Variants in DLG2 observed in about 807,000 individuals in gnomAD.
DLG2 encodes discs large MAGUK scaffold protein 2.
A neutral mutation model predicts 132.5 loss-of-function variants in DLG2; 45 were observed. That is an observed-to-expected ratio of 0.34 (90% CI 0.27 to 0.44). The LOEUF (loss-of-function observed/expected upper bound fraction) is 0.44, where lower values mean the gene tolerates loss of function less well. Ranked by LOEUF, DLG2 falls within the 20% of genes least tolerant of loss-of-function variation. DLG2 has a pLI of 1.00. For synonymous variants in DLG2, 424 were observed against 419.6 expected (o/e 1.01, Z -0.13); for missense variants, 1,045 against 1,196.9 (o/e 0.87, Z 1.87).
At chr11:85,185,872 G>A (rs2080056604) in intron 4 of DLG2, among the ~76,000 whole-genome samples, 1 of 151,868 alleles carries the variant, frequency 6.6e-6, no homozygotes, top group Admixed American at 6.6e-5. Context: ...ATGTAAGGTA[G>A]ATATAATTAC....
intron 6 of DLG2, among the ~76,000 whole-genome samples, chr11:84,816,138 A>G (rs747264756): frequency 1.3e-5 from 2 of 152,018 alleles, no homozygotes; most frequent in Non-Finnish European, 2.9e-5. Flanking sequence ...TACAAATGCA[A>G]CACCTTTTTG....
intron 7 of DLG2, among the ~76,000 whole-genome samples, chr11:84,377,569 A>G (rs1230061989): frequency 1.3e-5 from 2 of 152,014 alleles, no homozygotes; most frequent in Non-Finnish European, 2.9e-5. Flanking sequence ...TTGATATTAG[A>G]ACTCTAAAAT....
At chr11:85,466,009 G>T (rs2092776064) in intron 3 of DLG2, among the ~76,000 whole-genome samples, 1 of 152,180 alleles carries the variant, frequency 6.6e-6, no homozygotes, top group African/African-American at 2.4e-5. Context: ...TAACTGGCGT[G>T]AGATGGTATC....
At chr11:85,277,852 C>A (rs2077986919) in intron 4 of DLG2, among the ~76,000 whole-genome samples, 1 of 152,150 alleles carries the variant, frequency 6.6e-6, no homozygotes, top group Non-Finnish European at 1.5e-5. Flanking sequence ...GGTGTGACAG[C>A]TACCTAATTG....
chr11:85,125,734 G>C (rs1338627268), intron 5 of DLG2, among the ~76,000 whole-genome samples: 1 of 151,560 alleles, frequency 6.6e-6, no homozygotes, highest in Non-Finnish European at 1.5e-5. Context: ...AAGATATGAA[G>C]GATCACCAGG....
chr11:84,060,311 CA>C lies in DLG2; in HGVS notation c.750-828del, dbSNP rs540493465. Among the ~76,000 whole-genome samples the C allele has an allele frequency of 1.1e-4, 16 of 151,864 alleles. 1 individual carries two copies. The South Asian group carries it at 3.3e-3, about 32-fold the overall frequency. Reference sequence around the variant, plus strand: ...TGGGAGACAGAGCGAGACTCCATCTCAAAAAAAGAAAATAATAATAATAATA... The same window carrying C: ...TGGGAGACAGAGCGAGACTCCATCTCAAAAAAGAAAATAATAATAATAATA... On this transcript the variant is annotated intron_variant, in intron 10 of 27. Coordinates refer to ENST00000376104, the MANE Select transcript of DLG2 (RefSeq NM_001142699.3).
At chr11:85,581,374 A>G (rs1489410977) in intron 3 of DLG2, among the ~76,000 whole-genome samples, 2 of 151,952 alleles carry the variant, frequency 1.3e-5, no homozygotes, top group Non-Finnish European at 2.9e-5. Flanking sequence ...GCACTTTCAG[A>G]GGCCGAGGCA....
chr11:84,095,431 C>A lies in DLG2; in HGVS notation c.749+3492G>T, dbSNP rs569363856. 1.0e-3 allele frequency among the ~76,000 whole-genome samples: 157 copies of A among 152,220 alleles called. 1 individual carries two copies. The highest frequency in any genetic ancestry group is 0.01 in the Admixed American group (156 of 15,292). ...CTGTGTTACATACAGAAGTTAGAAC[C>A]CACATCTTTCCAGAGCTAATTACAA... is the stretch of plus-strand genomic sequence containing the variant. On this transcript the variant is annotated intron_variant, in intron 10 of 27. Coordinates refer to ENST00000376104, the MANE Select transcript of DLG2 (RefSeq NM_001142699.3).
chr11:84,801,956 G>A (rs537102847), intron 6 of DLG2, among the ~76,000 whole-genome samples: 1 of 152,158 alleles, frequency 6.6e-6, no homozygotes, highest in African/African-American at 2.4e-5. Flanking sequence ...CATCTGTACA[G>A]GGCACATTTC....
intron 14 of DLG2, among the ~76,000 whole-genome samples, chr11:83,945,704 G>A (rs1386917899): frequency 2.0e-5 from 3 of 151,698 alleles, no homozygotes; most frequent in Admixed American, 1.3e-4. Flanking sequence ...GGTAACTCTT[G>A]CTCAGGAGCA....
intron 3 of DLG2, among the ~76,000 whole-genome samples, chr11:85,572,845 G>C (rs927503542): frequency 6.6e-6 from 1 of 152,204 alleles, no homozygotes; most frequent in Non-Finnish European, 1.5e-5. Context: ...AATAACCTTT[G>C]ATATAGTTTG....
intron 21 of DLG2, among the ~76,000 whole-genome samples, chr11:83,498,720 CAG>C (rs981361040): frequency 9.1e-4 from 130 of 142,856 alleles, no homozygotes; most frequent in African/African-American, 3.1e-3. Flanking sequence ...ATTAATGAAA[CAG>C]AGAATTTTAA....
chr11:84,792,971 G>A (rs1457739066), intron 6 of DLG2, among the ~76,000 whole-genome samples: 1 of 151,946 alleles, frequency 6.6e-6, no homozygotes, highest in African/African-American at 2.4e-5. Context: ...GGTTTGGTCT[G>A]CTCTTGCTAT....
At chr11:83,630,531 G>GT (rs754412736) in intron 19 of DLG2, among the ~76,000 whole-genome samples, 1 of 152,184 alleles carries the variant, frequency 6.6e-6, no homozygotes, top group Non-Finnish European at 1.5e-5. Context: ...CTACAGCACA[G>GT]TTTATCCTGT....
At chr11:83,801,187 A>G (rs1352523068) in intron 17 of DLG2, among the ~76,000 whole-genome samples, 1 of 152,000 alleles carries the variant, frequency 6.6e-6, no homozygotes, top group Non-Finnish European at 1.5e-5. Context: ...GCCATATTCT[A>G]ATTCCATGCA....
intron 3 of DLG2, among the ~76,000 whole-genome samples, chr11:85,478,988 T>C (rs983951489): frequency 1.3e-5 from 2 of 152,204 alleles, no homozygotes; most frequent in Admixed American, 6.5e-5. Flanking sequence ...GTAAACAAGA[T>C]ATAGAAAGCA....
At chr11:85,450,388 G>A (rs1052626403) in intron 3 of DLG2, among the ~76,000 whole-genome samples, 4 of 151,870 alleles carry the variant, frequency 2.6e-5, no homozygotes, top group Admixed American at 2.6e-4. Context: ...TATATACTAG[G>A]CTTTTTCTCC....
At chr11:85,177,154 C>T (rs1340880310) in intron 4 of DLG2, among the ~76,000 whole-genome samples, 2 of 151,908 alleles carry the variant, frequency 1.3e-5, no homozygotes, top group Admixed American at 6.6e-5. Flanking sequence ...ATAACATGCA[C>T]ATGTATGTTC....
At chr11:84,219,465 C>T (rs1041090697) in intron 8 of DLG2, among the ~76,000 whole-genome samples, 1 of 152,118 alleles carries the variant, frequency 6.6e-6, no homozygotes, top group Admixed American at 6.5e-5. Context: ...TTGGCCTCAA[C>T]TGTAAAATAA....
Sources: gnomAD v4.1 joint callset for allele counts (sites outside exome capture counted in the v4.1 genomes callset) on GRCh38, gnomAD v4.1.1 for gene constraint, MANE v1.5 for transcripts, NCBI Gene and HGNC (gene_info 2026-07-23, HGNC 2026-07-21) for gene names.